The following HECW2 variants were observed in gnomAD, a reference collection of about 807,000 sequenced individuals.
HECW2 encodes E3 ubiquitin-protein ligase HECW2.
In HECW2, 61 loss-of-function variants were observed where a neutral mutation model predicts 175.2. The ratio of observed to expected loss-of-function variants is 0.35; its 90% CI spans 0.28 to 0.43. The LOEUF (loss-of-function observed/expected upper bound fraction) is 0.43. Ranked by LOEUF, HECW2 falls within the 20% of genes least tolerant of loss-of-function variation. The probability of loss-of-function intolerance (pLI) is 1.00; values close to 1 mark genes in which losing one functional copy is unlikely to be tolerated. For missense variants in HECW2, 1,524 were observed against 2,000.5 expected (o/e 0.76, Z 4.54); for synonymous variants, 671 against 731.0 (o/e 0.92, Z 1.32).
chr2:196,438,381 T>C (rs375295456), intron 1 of HECW2, among the ~76,000 whole-genome samples: 21 of 152,268 alleles, frequency 1.4e-4, no homozygotes, highest in Admixed American at 1.0e-3. Context: ...GCCAAACTTA[T>C]TGTTTCAACA....
chr2:196,273,375 CT>C (rs571296208), intron 16 of HECW2, among the ~76,000 whole-genome samples: 49 of 152,202 alleles, frequency 3.2e-4, no homozygotes, highest in African/African-American at 1.2e-3. Flanking sequence ...CCAACCTAGT[CT>C]AATTTAAGAC....
chr2:196,438,376 ACT>A (rs1695942325), intron 1 of HECW2, among the ~76,000 whole-genome samples: 1 of 152,232 alleles, frequency 6.6e-6, no homozygotes, highest in African/African-American at 2.4e-5. Flanking sequence ...CTATAGCCAA[ACT>A]TATTGTTTCA....
rs200168336 is a variant in HECW2 at position 196,563,851 on chromosome 2, C to G, written c.-36+29657G>C. Among the ~76,000 whole-genome samples, 29 of 152,260 alleles carry G rather than the reference C, an allele frequency of 1.9e-4. No individual in the cohort carries two copies. In the East Asian group the frequency reaches 5.4e-3, roughly 28 times the overall value. On this transcript the variant is annotated intron_variant, in intron 1 of 28. Transcript: ENST00000644978. Reference sequence around the variant, plus strand: ...TGAAAAAGGGATTACAGAATTAGAACATAATCCCTTTGCAATCTTCACTGT... The same window carrying G: ...TGAAAAAGGGATTACAGAATTAGAAGATAATCCCTTTGCAATCTTCACTGT...
intron 2 of HECW2, among the ~76,000 whole-genome samples, chr2:196,353,456 G>A (rs537350542): frequency 9.2e-5 from 14 of 152,222 alleles, no homozygotes; most frequent in Non-Finnish European, 2.1e-4. Context: ...TAAACTCCAA[G>A]AGGTCAAGGA....
At chr2:196,378,223 T>C (rs1045408870) in intron 2 of HECW2, among the ~76,000 whole-genome samples, 2 of 152,166 alleles carry the variant, frequency 1.3e-5, no homozygotes, top group African/African-American at 4.8e-5. Flanking sequence ...TTAATTCCCA[T>C]TGCCTAGGGC....
chr2:196,262,025 T>C (rs1689315113), intron 17 of HECW2, among the ~76,000 whole-genome samples: 1 of 150,162 alleles, frequency 6.7e-6, no homozygotes, highest in South Asian at 2.1e-4. Context: ...AAGTTTATAA[T>C]GTATACAGTT....
intron 1 of HECW2, among the ~76,000 whole-genome samples, chr2:196,452,909 GC>G (rs1282448945): frequency 2.0e-5 from 3 of 151,942 alleles, no homozygotes; most frequent in Non-Finnish European, 4.4e-5. Flanking sequence ...GCAAATCAAT[GC>G]CAGGGCTGGG....
intron 2 of HECW2, among the ~76,000 whole-genome samples, chr2:196,359,069 C>G (rs1693490472): frequency 6.6e-6 from 1 of 152,208 alleles, no homozygotes; most frequent in African/African-American, 2.4e-5. Context: ...AGAATCTCTA[C>G]CTTGTCACTA....
intron 1 of HECW2, among the ~76,000 whole-genome samples, chr2:196,543,467 G>C (rs893236839): frequency 6.6e-6 from 1 of 152,036 alleles, no homozygotes; most frequent in Non-Finnish European, 1.5e-5. Flanking sequence ...ATACACAAAT[G>C]TTAAATTATT....
chr2:196,292,628 C>T lies in HECW2; in HGVS notation c.2937G>A (p.Met979Ile), dbSNP rs760092576. 7 of 1,614,168 alleles carry T rather than the reference C, an allele frequency of 4.3e-6. No individual in the cohort carries two copies. The highest frequency in any genetic ancestry group is 5.9e-6 in the Non-Finnish European group (7 of 1,180,008). Residue 979 changes from methionine (M) to isoleucine (I), a missense_variant, in exon 14 of 29, where the codon ATG becomes ATA. By Grantham distance (10) the Met-to-Ile change is conservative. Coordinates refer to ENST00000644978, the MANE Select transcript of HECW2 (RefSeq NM_001348768.2). ...HNRDLVGFLN[M>I]FANKQLELPR... ...GCAGCTCTAGCTGTTTGTTCGCGAA[C>T]ATGTTGAGGAATCCCACAAGGTCGC...
intron 14 of HECW2, 32 bp from the exon 15 acceptor site, chr2:196,278,694 C>T (rs1016705143): frequency 5.6e-6 from 9 of 1,612,222 alleles, no homozygotes; most frequent in Non-Finnish European, 6.8e-6. Context: ...CAAATACATG[C>T]CGCTCACATG....
At chr2:196,558,506 G>A (rs1689883334) in intron 1 of HECW2, among the ~76,000 whole-genome samples, 1 of 152,196 alleles carries the variant, frequency 6.6e-6, no homozygotes, top group Admixed American at 6.5e-5. Flanking sequence ...GCATTTCATA[G>A]CCTTCTTCAT....
At chr2:196,346,725 G>A (rs1185666652) in intron 2 of HECW2, among the ~76,000 whole-genome samples, 1 of 152,080 alleles carries the variant, frequency 6.6e-6, no homozygotes, top group African/African-American at 2.4e-5. Context: ...TTCCAGCCGG[G>A]CACAGTGGCT....
intron 13 of HECW2, among the ~76,000 whole-genome samples, chr2:196,295,195 A>G (rs535526866): frequency 6.6e-6 from 1 of 152,186 alleles, no homozygotes; most frequent in Non-Finnish European, 1.5e-5. Flanking sequence ...CAATGCAGGC[A>G]GGCCTATGCA....
intron 1 of HECW2, among the ~76,000 whole-genome samples, chr2:196,547,748 G>A (rs1001199427): frequency 5.1e-4 from 78 of 152,204 alleles, no homozygotes; most frequent in African/African-American, 1.9e-3. Flanking sequence ...GCTGTTTGAA[G>A]TCTCACCATC....
intron 17 of HECW2, among the ~76,000 whole-genome samples, chr2:196,264,476 G>A (rs1285570310): frequency 6.6e-6 from 1 of 151,958 alleles, no homozygotes; most frequent in Non-Finnish European, 1.5e-5. Flanking sequence ...CCACTTATTA[G>A]CAAAAAAACA....
rs139816304 is a variant in HECW2, at chr2:196,319,137, A to G, written c.1753T>C (p.Ser585Pro). 5 of 1,593,738 alleles carry G rather than the reference A, an allele frequency of 3.1e-6. No individual in the cohort carries two copies. The African/African-American group carries it at 4.0e-5, about 13-fold the overall frequency. Residue 585 changes from serine (S) to proline (P), a missense_variant, in exon 9 of 29, where the codon TCC (serine) becomes CCC (proline). Physicochemically the swap from Ser to Pro is moderately conservative, Grantham distance 74. Transcript: ENST00000644978. Reference protein sequence around the residue: ...QPTSGADTGTSDASGGSRRAV... With the variant: ...QPTSGADTGTPDASGGSRRAV... ...CTTCGGCTTCCTCCTGATGCATCGGAAGTCCCTGTGTCTGCGCCACTTGTG... is the reference window on the plus strand; with the variant it reads ...CTTCGGCTTCCTCCTGATGCATCGGGAGTCCCTGTGTCTGCGCCACTTGTG...
At chr2:196,555,045 C>CA (rs1208417678) in intron 1 of HECW2, among the ~76,000 whole-genome samples, 1 of 151,960 alleles carries the variant, frequency 6.6e-6, no homozygotes, top group Non-Finnish European at 1.5e-5. Context: ...CAAGGTCGCC[C>CA]AAAATACAGA....
rs184887112 is a variant in HECW2, at chr2:196,509,471, C to T, written c.-35-76013G>A. On this transcript the variant is annotated intron_variant, in intron 1 of 28. Transcript: ENST00000644978. The stretch of plus-strand genomic sequence containing the variant: ...GAAGTCAAGGAGTAGGGCTGGGAGT[C>T]CCAATCTTCTAATAGTGCCTTTGTT... Among the ~76,000 whole-genome samples the T allele has an allele frequency of 2.6e-5, 4 of 152,336 alleles. No homozygotes were observed. The East Asian group carries it at 7.7e-4, about 29-fold the overall frequency.
Sources: allele counts gnomAD v4.1 joint callset (sites outside exome capture counted in the v4.1 genomes callset), GRCh38; gene constraint gnomAD v4.1.1; transcripts MANE v1.5; gene names NCBI Gene and HGNC (gene_info 2026-07-23, HGNC 2026-07-21).